Variants in PCDHA11 observed in about 807,000 individuals in gnomAD.
The protein encoded by PCDHA11 is protocadherin alpha-11.
In PCDHA11, 61 loss-of-function variants were observed where a neutral mutation model predicts 70.3. The observed-to-expected ratio is 0.87, with a 90% CI of 0.71 to 1.07. The LOEUF (loss-of-function observed/expected upper bound fraction) is 1.07, where lower values mean the gene tolerates loss of function less well. Ranked by LOEUF, PCDHA11 falls within the 50% of genes least tolerant of loss-of-function variation. The pLI, the probability that PCDHA11 is intolerant of heterozygous loss-of-function variation, is 0.00. For synonymous variants in PCDHA11, 633 were observed against 555.1 expected, an observed-to-expected ratio of 1.14 and a Z score of -1.97; for missense variants, 1,324 against 1,237.5, an observed-to-expected ratio of 1.07 and a Z score of -1.05.
chr5:140,975,588 A>G (rs2096673583), intron 1 of PCDHA11, among the ~76,000 whole-genome samples: 1 of 152,210 alleles, frequency 6.6e-6, no homozygotes, highest in South Asian at 2.1e-4. Context: ...CATGTCCCAG[A>G]GGGCAATTTG....
At chr5:140,878,389 T>A (rs528504145) in intron 1 of PCDHA11, among the ~76,000 whole-genome samples, 1 of 152,360 alleles carries the variant, frequency 6.6e-6, no homozygotes, top group East Asian at 1.9e-4. Flanking sequence ...ATTTTCTTCA[T>A]TGCTCACAAA....
intron 1 of PCDHA11, among the ~76,000 whole-genome samples, chr5:140,899,099 A>G (rs1379248424): frequency 6.6e-6 from 1 of 152,162 alleles, no homozygotes; most frequent in African/African-American, 2.4e-5. Context: ...GGCTGAGATA[A>G]TGGGGTTTTC....
intron 1 of PCDHA11, among the ~76,000 whole-genome samples, chr5:140,926,112 A>G (rs556372882): frequency 3.3e-4 from 51 of 152,258 alleles, no homozygotes; most frequent in African/African-American, 1.2e-3. Context: ...AAGAGGGTGC[A>G]GGACAGACTT....
chr5:140,945,041 C>T (rs2093729370), intron 1 of PCDHA11, among the ~76,000 whole-genome samples: 1 of 151,978 alleles, frequency 6.6e-6, no homozygotes, highest in African/African-American at 2.4e-5. Flanking sequence ...TATCTTTGGT[C>T]TTATATAAAG....
chr5:140,952,952 G>C (rs1477546132), intron 1 of PCDHA11, among the ~76,000 whole-genome samples: 1 of 151,924 alleles, frequency 6.6e-6, no homozygotes, highest in Non-Finnish European at 1.5e-5. Context: ...GAGAGAAGGG[G>C]GAAGTGATAC....
intron 1 of PCDHA11, among the ~76,000 whole-genome samples, chr5:140,972,812 C>T (rs782305867): frequency 5.3e-5 from 8 of 151,914 alleles, no homozygotes; most frequent in East Asian, 3.9e-4. Context: ...TACAGGCACG[C>T]GCCACCACGC....
intron 1 of PCDHA11, among the ~76,000 whole-genome samples, chr5:140,888,049 T>C (rs554327528): frequency 1.3e-5 from 2 of 152,354 alleles, no homozygotes; most frequent in South Asian, 2.1e-4. Context: ...GTATAATAGA[T>C]GTTTTAACTT....
In PCDHA11 at chr5:140,959,634, A is replaced by G. The variant is rs78629455; in HGVS notation, c.2392-19315A>G. ...TGCTTGTGATAGAAAAAAAGAGAGA[A>G]AAAACACAGAAGCAAAATTGAAGAA... On this transcript the variant is annotated intron_variant, in intron 1 of 3. Transcript: ENST00000398640. Among the ~76,000 whole-genome samples, 1,434 of 152,320 alleles carry G rather than the reference A, an allele frequency of 9.4e-3. 14 individuals carry two copies. The highest frequency in any genetic ancestry group is 0.021 in the Admixed American group (316 of 15,292).
In PCDHA11 at chr5:140,870,678, G is replaced by C. The variant is rs1304914174; in HGVS notation, c.1575G>C (p.Glu525Asp). The change falls in exon 1 of 4, where the codon GAG (glutamate) becomes GAC (aspartate). Residue 525 changes from glutamate to aspartate, a missense_variant. Physicochemically the swap from Glu to Asp is conservative, Grantham distance 45. Transcript: ENST00000398640. ...ACGCGCTGCAGCCGTTGGACCACGAGGAGCTGGAGCTGCTACAGTTCCAGG... is the reference window on the plus strand; with the variant it reads ...ACGCGCTGCAGCCGTTGGACCACGACGAGCTGGAGCTGCTACAGTTCCAGG... ...KVYALQPLDHEELELLQFQVS... is the reference protein window; with the variant it reads ...KVYALQPLDHDELELLQFQVS... The C allele has an allele frequency of 6.2e-7, 1 of 1,612,626 alleles. No individual in the cohort carries two copies. Among genetic ancestry groups the C allele is most frequent in the African/African-American group, 1.3e-5 (1 of 74,910 alleles).
intron 1 of PCDHA11, chr5:140,882,955 C>G (rs1554176243): frequency 6.2e-7 from 1 of 1,614,178 alleles, no homozygotes; most frequent in Admixed American, 1.7e-5. Context: ...TTCAGCTGCT[C>G]ATCACGATTC....
At chr5:141,000,421 A>ATATTT (rs1265241806) in intron 3 of PCDHA11, among the ~76,000 whole-genome samples, 4 of 27,980 alleles carry the variant, frequency 1.4e-4, no homozygotes, top group Non-Finnish European at 1.1e-4. Context: ...ATATATATAT[A>ATATTT]TTTTTTTTTT....
chr5:140,899,534 T>A (rs2067388979), intron 1 of PCDHA11, among the ~76,000 whole-genome samples: 1 of 152,234 alleles, frequency 6.6e-6, no homozygotes, highest in Non-Finnish European at 1.5e-5. Context: ...TGAAGCCCAC[T>A]TGATCATGGT....
chr5:140,879,123 G>C (rs895703047), intron 1 of PCDHA11, among the ~76,000 whole-genome samples: 18 of 152,310 alleles, frequency 1.2e-4, no homozygotes, highest in South Asian at 4.1e-4. Context: ...AAGGATTAGA[G>C]CAGGGGAGAT....
intron 3 of PCDHA11, among the ~76,000 whole-genome samples, chr5:140,985,009 C>T (rs567801905): frequency 9.3e-4 from 141 of 152,162 alleles, no homozygotes; most frequent in African/African-American, 3.3e-3. Flanking sequence ...ACGATATCGG[C>T]TCACAGCAAC....
rs782133089 is a variant in PCDHA11, at chr5:140,924,894, C to CAAAAA, written c.2391+53407_2391+53411dup. Among the ~76,000 whole-genome samples, 201 of 71,494 alleles carry CAAAAA rather than the reference C, an allele frequency of 2.8e-3. 5 individuals are homozygous for CAAAAA. In the East Asian group the frequency reaches 0.084, roughly 30 times the overall value. The allele number at this position is 71,494 out of a possible 152,430, so 46.9% of individuals were successfully genotyped here. On this transcript the variant is annotated intron_variant, in intron 1 of 3. Coordinates refer to ENST00000398640, the MANE Select transcript of PCDHA11 (RefSeq NM_018902.5). ...TGGGTGACAGAGCAAGAACCTGTCT[C>CAAAAA]AAAAAAAAAAATAAAATAAAATAAA...
chr5:140,924,110 CAGTT>C (rs1462987261), intron 1 of PCDHA11, among the ~76,000 whole-genome samples: 2 of 152,206 alleles, frequency 1.3e-5, no homozygotes, highest in Non-Finnish European at 2.9e-5. Flanking sequence ...CATTCCAAAG[CAGTT>C]AGCTTGCTTA....
At chr5:140,957,289 C>T (rs1235564629) in intron 1 of PCDHA11, among the ~76,000 whole-genome samples, 1 of 152,162 alleles carries the variant, frequency 6.6e-6, no homozygotes, top group Non-Finnish European at 1.5e-5. Context: ...CCTGCAGTTT[C>T]ACTCTGAGCA....
intron 1 of PCDHA11, among the ~76,000 whole-genome samples, chr5:140,946,628 A>ATATATATATATATATATATATATATATC (rs2093986423): frequency 7.4e-6 from 1 of 134,528 alleles, no homozygotes; most frequent in Non-Finnish European, 1.6e-5. Context: ...ATATATATAT[A>ATATATATATATATATATATATATATATC]TATACAATGG....
At chr5:140,884,046 A>G (rs781965939) in intron 1 of PCDHA11, 6 of 1,613,474 alleles carry the variant, frequency 3.7e-6, no homozygotes, top group Non-Finnish European at 5.1e-6. Flanking sequence ...GTGGTGGCGA[A>G]GGTGCGCGCG....
Sources: gnomAD v4.1 joint callset for allele counts (sites outside exome capture counted in the v4.1 genomes callset) on GRCh38, gnomAD v4.1.1 for gene constraint, MANE v1.5 for transcripts, NCBI Gene and HGNC (gene_info 2026-07-23, HGNC 2026-07-21) for gene names.